Variants in CHCHD3 observed in about 807,000 individuals in gnomAD.
CHCHD3 encodes the protein MICOS complex subunit MIC19.
A neutral mutation model predicts 38.2 loss-of-function variants in CHCHD3; 20 were observed. The observed-to-expected ratio is 0.52, with a 90% CI of 0.37 to 0.76. CHCHD3 has a LOEUF of 0.76. CHCHD3 is among the 30% of genes least tolerant of loss of function. The pLI is 0.00. For synonymous variants in CHCHD3, 82 were observed against 100.0 expected (o/e 0.82, Z 1.07); for missense variants, 245 against 279.2 (o/e 0.88, Z 0.87).
chr7:132,928,648 G>A (rs775783130), intron 4 of CHCHD3, among the ~76,000 whole-genome samples: 1 of 152,100 alleles, frequency 6.6e-6, no homozygotes, highest in Non-Finnish European at 1.5e-5. Context: ...AGTGAGCCTA[G>A]TTCATGCCAC....
rs148980794 is a variant in CHCHD3, at chr7:132,884,964, A to G, written c.453+698T>C. On this transcript the variant is annotated intron_variant, in intron 5 of 7. Transcript: ENST00000262570. ...GAAACTGAGTTTTCAGAAAGAAGAT[A>G]TATCCTGCCAGGTGCAGTGGCTCAT... Among the ~76,000 whole-genome samples the G allele has an allele frequency of 4.1e-4, 63 of 152,342 alleles. No individual in the cohort carries two copies. The East Asian group carries it at 6.6e-3, about 16-fold the overall frequency.
chr7:132,997,854 G>A (rs1812467433), intron 3 of CHCHD3, among the ~76,000 whole-genome samples: 2 of 152,064 alleles, frequency 1.3e-5, no homozygotes, highest in Non-Finnish European at 2.9e-5. Flanking sequence ...GGCTATCATG[G>A]AGATCTGAAA....
At chr7:132,901,424 G>C (rs1182027805) in intron 4 of CHCHD3, among the ~76,000 whole-genome samples, 1 of 152,184 alleles carries the variant, frequency 6.6e-6, no homozygotes, top group Non-Finnish European at 1.5e-5. Flanking sequence ...ACTGAAGAGA[G>C]ACATGCCATC....
intron 4 of CHCHD3, among the ~76,000 whole-genome samples, chr7:132,916,490 TTGAG>T (rs35327637): frequency 0.35 from 52,502 of 151,968 alleles, 9,978 homozygotes; most frequent in Non-Finnish European, 0.43. Flanking sequence ...CAATAAGATA[TTGAG>T]TGAGAGAGAT....
chr7:132,969,754 G>A (rs531840109), intron 4 of CHCHD3, among the ~76,000 whole-genome samples: 1 of 152,234 alleles, frequency 6.6e-6, no homozygotes, highest in African/African-American at 2.4e-5. Context: ...ACTGGTCTCT[G>A]GGCTTCCAGC....
intron 3 of CHCHD3, among the ~76,000 whole-genome samples, chr7:132,998,478 G>A (rs947313778): frequency 7.2e-5 from 11 of 152,052 alleles, no homozygotes; most frequent in Non-Finnish European, 1.0e-4. Context: ...ACTGAATTTC[G>A]AGTGCTTATC....
chr7:132,942,599 C>G (rs985767709), intron 4 of CHCHD3, among the ~76,000 whole-genome samples: 3 of 152,108 alleles, frequency 2.0e-5, no homozygotes, highest in Non-Finnish European at 2.9e-5. Flanking sequence ...TTTTCTGTTT[C>G]TCCTGTGTTT....
intron 4 of CHCHD3, chr7:132,973,512 A>G: frequency 2.0e-6 from 2 of 985,402 alleles, no homozygotes; most frequent in African/African-American, 3.5e-5. Flanking sequence ...ACAATGACTG[A>G]CTTTGCTTCC....
intron 1 of CHCHD3, 72 bp downstream of exon 1, chr7:133,081,785 C>A: frequency 6.9e-7 from 1 of 1,456,176 alleles, no homozygotes; most frequent in African/African-American, 1.4e-5. Context: ...CCAGGCTGAG[C>A]GGGTCCGGAG....
intron 6 of CHCHD3, chr7:132,813,541 A>G (rs1339884846): frequency 2.0e-5 from 3 of 152,224 alleles, no homozygotes; most frequent in Non-Finnish European, 1.5e-5. Context: ...CTCTCCACAC[A>G]GTGTCTGGCA....
chr7:133,048,504 TGAG>T (rs1425192070), intron 2 of CHCHD3, among the ~76,000 whole-genome samples: 1 of 151,504 alleles, frequency 6.6e-6, no homozygotes, highest in Non-Finnish European at 1.5e-5. Context: ...AATAGAGAAG[TGAG>T]GAGAAGGGTG....
At chr7:132,914,163 TGTG>T (rs1810042272) in intron 4 of CHCHD3, among the ~76,000 whole-genome samples, 4 of 149,916 alleles carry the variant, frequency 2.7e-5, no homozygotes, top group African/African-American at 9.8e-5. Flanking sequence ...TGTGTGTGTG[TGTG>T]TTTAGTAGAG....
At chr7:132,924,971 G>A (rs563870181) in intron 4 of CHCHD3, among the ~76,000 whole-genome samples, 1 of 152,218 alleles carries the variant, frequency 6.6e-6, no homozygotes, top group East Asian at 1.9e-4. Flanking sequence ...GGGTGAACCT[G>A]TATCCCTTTG....
At chr7:132,914,935 G>T (rs1410145649) in intron 4 of CHCHD3, among the ~76,000 whole-genome samples, 13 of 152,176 alleles carry the variant, frequency 8.5e-5, no homozygotes, top group African/African-American at 3.1e-4. Context: ...GCTGAGGCGG[G>T]CAGATTACCT....
At chr7:132,839,889 C>T (rs753947034) in intron 5 of CHCHD3, among the ~76,000 whole-genome samples, 1 of 152,176 alleles carries the variant, frequency 6.6e-6, no homozygotes, top group Non-Finnish European at 1.5e-5. Context: ...CTTATTTGGG[C>T]TACGATTTAT....
chr7:132,935,231 C>T (rs1810608803), intron 4 of CHCHD3, among the ~76,000 whole-genome samples: 1 of 152,206 alleles, frequency 6.6e-6, no homozygotes, highest in South Asian at 2.1e-4. Flanking sequence ...TGAGGCAGCA[C>T]ATGAGCAAAA....
intron 4 of CHCHD3, among the ~76,000 whole-genome samples, chr7:132,925,026 A>C (rs1810342512): frequency 6.6e-6 from 1 of 152,200 alleles, no homozygotes; most frequent in African/African-American, 2.4e-5. Context: ...TCAAATGAAA[A>C]ATCATTTATA....
At chr7:132,918,147 G>A (rs954648540) in intron 4 of CHCHD3, among the ~76,000 whole-genome samples, 3 of 152,170 alleles carry the variant, frequency 2.0e-5, no homozygotes, top group Admixed American at 2.0e-4. Context: ...AATGAGTTAA[G>A]ATCTCACCTA....
chr7:133,072,958 C>G (rs909352884), intron 1 of CHCHD3, among the ~76,000 whole-genome samples: 1 of 152,200 alleles, frequency 6.6e-6, no homozygotes, highest in Admixed American at 6.5e-5. Flanking sequence ...GAGTGATCCT[C>G]CTCCTGTATC....
Sources: gnomAD v4.1 joint callset for allele counts (sites outside exome capture counted in the v4.1 genomes callset) on GRCh38, gnomAD v4.1.1 for gene constraint, MANE v1.5 for transcripts, NCBI Gene and HGNC (gene_info 2026-07-23, HGNC 2026-07-21) for gene names.